PTAR1: variants seen among roughly 807,000 people sequenced by gnomAD.
PTAR1 encodes protein prenyltransferase alpha subunit repeat containing 1, also known as protein prenyltransferase alpha subunit repeat-containing protein 1.
PTAR1 carries 17 observed loss-of-function variants against 45.5 expected under a neutral mutation model. The observed-to-expected ratio is 0.37, with a 90% CI of 0.26 to 0.56. The LOEUF is 0.56. Among genes scored for constraint, PTAR1 ranks in the 20% least tolerant of loss-of-function variants. PTAR1 has a pLI of 0.77. For missense variants in PTAR1, 391 were observed against 476.3 expected (o/e 0.82, Z 1.67); for synonymous variants, 169 against 171.3 (o/e 0.99, Z 0.11).
In PTAR1 at chr9:69,754,839, T is replaced by A. The variant is rs560676700; in HGVS notation, c.87-3889A>T. On this transcript the variant is annotated intron_variant, in intron 1 of 7. Coordinates refer to ENST00000340434, the MANE Select transcript of PTAR1 (RefSeq NM_001099666.2). ...AAAGTGTTAGGATTACAGGTGTGAGTCACTGTGCCCAGCTGGGTATACATC... is the reference window on the plus strand; with the variant it reads ...AAAGTGTTAGGATTACAGGTGTGAGACACTGTGCCCAGCTGGGTATACATC... 7.9e-5 allele frequency among the ~76,000 whole-genome samples: 12 copies of A among 151,834 alleles called. No individual in the cohort carries two copies. In the East Asian group the frequency reaches 1.9e-3, roughly 25 times the overall value.
chr9:69,714,726 T>C lies in PTAR1; in HGVS notation c.*3616A>G, dbSNP rs764610097. The C allele has an allele frequency of 1.3e-5, 2 of 152,098 alleles. No homozygotes were observed. Among genetic ancestry groups the C allele is most frequent in the African/African-American group, 2.4e-5 (1 of 41,446 alleles). The allele number at this position is 152,098 out of a possible 1,614,324, so 9.4% of individuals were successfully genotyped here. On this transcript the variant is annotated 3_prime_UTR_variant, in exon 8 of 8. Coordinates refer to ENST00000340434, the MANE Select transcript of PTAR1 (RefSeq NM_001099666.2). ...ACCTGTATATATTTAACCCTACTAA[T>C]AATTAAGCCTTTAAGTGAGAACTGT...
At chr9:69,745,553 CAAGTACTT>C (rs1487550583) in intron 2 of PTAR1, among the ~76,000 whole-genome samples, 1 of 152,184 alleles carries the variant, frequency 6.6e-6, no homozygotes, top group East Asian at 1.9e-4. Flanking sequence ...ACTAACACAG[CAAGTACTT>C]AAGTCCCCGC....
At chr9:69,759,673 C>A (rs1041173469) in intron 1 of PTAR1, among the ~76,000 whole-genome samples, 180 bp downstream of exon 1, 1 of 152,150 alleles carries the variant, frequency 6.6e-6, no homozygotes, top group Non-Finnish European at 1.5e-5. Context: ...GTCCCGGTAG[C>A]GGAAAGCCGG....
chr9:69,709,952 C>T lies in PTAR1; in HGVS notation c.*8390G>A, dbSNP rs753754379. ...GTATTTTACATGGTATGGAATTATTCCTCCTTAATAATGCTTGGCAAATTG... is the reference window on the plus strand; with the variant it reads ...GTATTTTACATGGTATGGAATTATTTCTCCTTAATAATGCTTGGCAAATTG... On this transcript the variant is annotated 3_prime_UTR_variant, in exon 8 of 8. Transcript: ENST00000340434. 6.6e-6 allele frequency: 1 copy of T among 152,030 alleles called. No individual in the cohort carries two copies. Among genetic ancestry groups the T allele is most frequent in the Non-Finnish European group, 1.5e-5 (1 of 67,986 alleles). The allele number at this position is 152,030 out of a possible 1,614,324, so 9.4% of individuals were successfully genotyped here. A position where few individuals can be genotyped will look rare whatever the true frequency, so the allele number is the denominator to read the frequency against.
intron 2 of PTAR1, among the ~76,000 whole-genome samples, chr9:69,750,104 G>A (rs1430253909): frequency 6.6e-6 from 1 of 151,970 alleles, no homozygotes; most frequent in East Asian, 1.9e-4. Context: ...CAGAATTTGT[G>A]CACATGGAGG....
At chr9:69,729,926 A>T (rs1334635603) in intron 5 of PTAR1, among the ~76,000 whole-genome samples, 2 of 152,068 alleles carry the variant, frequency 1.3e-5, no homozygotes, top group Admixed American at 6.5e-5. Flanking sequence ...TCATTTTCAT[A>T]CTCTTACTAA....
chr9:69,735,057 A>G (rs1825722447), intron 3 of PTAR1, among the ~76,000 whole-genome samples: 1 of 152,244 alleles, frequency 6.6e-6, no homozygotes. Context: ...TACTTTGGAT[A>G]AGTTTCCAAA....
At chr9:69,736,669 T>C (rs1477253463) in intron 3 of PTAR1, among the ~76,000 whole-genome samples, 1 of 152,166 alleles carries the variant, frequency 6.6e-6, no homozygotes, top group African/African-American at 2.4e-5. Flanking sequence ...TATATCCATA[T>C]ATAAGGGGAG....
intron 1 of PTAR1, chr9:69,757,589 T>C (rs1005951908): frequency 6.6e-6 from 1 of 152,198 alleles, no homozygotes; most frequent in East Asian, 1.9e-4. Flanking sequence ...TGGCTAAATA[T>C]TTCTACATAA....
rs1824818941 is a variant in PTAR1, at chr9:69,718,387, C to T, written c.1164G>A (p.Arg388=). 1 of 1,612,728 alleles carries T rather than the reference C, an allele frequency of 6.2e-7. No homozygotes were observed. The highest frequency in any genetic ancestry group is 1.3e-5 in the African/African-American group (1 of 74,904). Reference sequence around the variant, plus strand: ...GCCATTTCCTGTATGCACTGGCAAACCTGGCTTGCTCCACGTTCCGACAGG... The same window carrying T: ...GCCATTTCCTGTATGCACTGGCAAATCTGGCTTGCTCCACGTTCCGACAGG... The part of the protein sequence containing the change: ...LSTCRNVEQA[R]FASAYRKWLV... The change falls in exon 8 of 8, where the codon AGG becomes AGA. Residue 388 remains arginine, a synonymous_variant. Transcript: ENST00000340434.
At chr9:69,752,936 T>C (rs11140147) in intron 1 of PTAR1, among the ~76,000 whole-genome samples, 2,211 of 152,158 alleles carry the variant, frequency 0.015, 54 homozygotes, top group African/African-American at 0.051. Flanking sequence ...GATGTTTGTG[T>C]TTTACTACAT....
In PTAR1 at chr9:69,759,997, A is replaced by T. The variant is rs1414266990; in HGVS notation, c.-59T>A. 165 of 1,348,518 alleles carry T rather than the reference A, an allele frequency of 1.2e-4. No homozygotes were observed. The East Asian group carries it at 2.2e-3, about 18-fold the overall frequency. The allele number at this position is 1,348,518 out of a possible 1,614,324, so 83.5% of individuals were successfully genotyped here. A position where few individuals can be genotyped will look rare whatever the true frequency, so the allele number is the denominator to read the frequency against. ...CCGCGTGAGCCGGGCCGCCGGCGGG[A>T]GTTCCGCGGAGAACGAGCGCGCGCG... On this transcript the variant is annotated 5_prime_UTR_variant, in exon 1 of 8. Transcript: ENST00000340434.
At chr9:69,742,400 T>C (rs1301367617) in intron 2 of PTAR1, among the ~76,000 whole-genome samples, 1 of 152,128 alleles carries the variant, frequency 6.6e-6, no homozygotes, top group Non-Finnish European at 1.5e-5. Flanking sequence ...TATTATTTCA[T>C]ATGCATCCTC....
intron 2 of PTAR1, 61 bp downstream of exon 2, chr9:69,750,720 T>G: frequency 8.1e-7 from 1 of 1,231,668 alleles, no homozygotes; most frequent in South Asian, 1.6e-5. Flanking sequence ...AGAAGGGCTC[T>G]TCCTACTATA....
intron 3 of PTAR1, among the ~76,000 whole-genome samples, chr9:69,741,160 A>T (rs1198288990): frequency 6.6e-6 from 1 of 152,154 alleles, no homozygotes; most frequent in East Asian, 1.9e-4. Flanking sequence ...AAACAGTTTC[A>T]TGGCTTTAAA....
rs185077502 is a variant in PTAR1, at chr9:69,717,293, T to G, written c.*1049A>C. On this transcript the variant is annotated 3_prime_UTR_variant, in exon 8 of 8. Coordinates refer to ENST00000340434, the MANE Select transcript of PTAR1 (RefSeq NM_001099666.2). ...CTATTTCTTTATATATTTCTCCCAT[T>G]TGTCATAAGTGAATTTGAAATTAAA... 89 of 152,216 alleles carry G rather than the reference T, an allele frequency of 5.8e-4. No individual in the cohort carries two copies. Among genetic ancestry groups the G allele is most frequent in the African/African-American group, 2.0e-3 (85 of 41,516 alleles). 9.4% of individuals were successfully genotyped at this position (152,216 alleles called of 1,614,324 possible). A position where few individuals can be genotyped will look rare whatever the true frequency, so the allele number is the denominator to read the frequency against.
At chr9:69,757,861 C>A (rs1826862430) in intron 1 of PTAR1, 1 of 151,770 alleles carries the variant, frequency 6.6e-6, no homozygotes, top group Non-Finnish European at 1.5e-5. Flanking sequence ...AAGGCACTTA[C>A]AAAGATGCAT....
intron 1 of PTAR1, among the ~76,000 whole-genome samples, chr9:69,756,369 C>T (rs916120557): frequency 1.3e-5 from 2 of 152,128 alleles, no homozygotes; most frequent in African/African-American, 2.4e-5. Context: ...CTTTTTATGA[C>T]TCTTTTCATA....
intron 2 of PTAR1, 69 bp from the exon 3 acceptor site, chr9:69,741,927 T>C (rs1027143253): frequency 1.1e-5 from 10 of 950,598 alleles, no homozygotes; most frequent in Non-Finnish European, 1.5e-5. Context: ...CTCATTCTTT[T>C]AAGGTTCTCT....
Sources: allele counts gnomAD v4.1 joint callset (sites outside exome capture counted in the v4.1 genomes callset), GRCh38; gene constraint gnomAD v4.1.1; transcripts MANE v1.5; gene names NCBI Gene and HGNC (gene_info 2026-07-23, HGNC 2026-07-21).